The following CRHR2 variants were observed in gnomAD, a reference collection of about 807,000 sequenced individuals.
CRHR2 encodes corticotropin-releasing hormone receptor 2.
Under a neutral mutation model 57.9 loss-of-function variants are expected in CRHR2, and 53 were observed. That is an observed-to-expected ratio of 0.92 (90% CI 0.73 to 1.15). The LOEUF (loss-of-function observed/expected upper bound fraction) is 1.15, where lower values mean the gene tolerates loss of function less well. Among genes scored for constraint, CRHR2 ranks in the 50% most tolerant of loss-of-function variants. The pLI is 0.00. For synonymous variants in CRHR2, 213 were observed against 220.9 expected (o/e 0.96, Z 0.32); for missense variants, 532 against 542.6 (o/e 0.98, Z 0.19).
intron 11 of CRHR2, among the ~76,000 whole-genome samples, chr7:30,654,393 G>A (rs1009469431): frequency 1.3e-5 from 2 of 152,164 alleles, no homozygotes; most frequent in Non-Finnish European, 2.9e-5. Context: ...GGCCTGCATA[G>A]ACACCTCGCC....
upstream of CRHR2, among the ~76,000 whole-genome samples, chr7:30,687,160 G>A (rs1023225467): frequency 2.0e-5 from 3 of 152,030 alleles, no homozygotes; most frequent in African/African-American, 7.3e-5. Flanking sequence ...CTCTGCGTTA[G>A]ACATGATGCA....
At chr7:30,657,081 A>ACT (rs200574951) in intron 8 of CRHR2, among the ~76,000 whole-genome samples, 1 of 146,850 alleles carries the variant, frequency 6.8e-6, no homozygotes, top group Non-Finnish European at 1.5e-5. Context: ...GCACACACCC[A>ACT]CTCACACACA....
chr7:30,668,494 T>C (rs1784255514), intron 2 of CRHR2, among the ~76,000 whole-genome samples: 1 of 152,168 alleles, frequency 6.6e-6, no homozygotes. Flanking sequence ...AGATGTACAA[T>C]GTAAAGCTAA....
chr7:30,670,034 C>T (rs1482303062), intron 2 of CRHR2, among the ~76,000 whole-genome samples: 7 of 151,946 alleles, frequency 4.6e-5, no homozygotes, highest in Non-Finnish European at 1.0e-4. Context: ...TCTTTGTTTC[C>T]TCCTCTATCC....
In CRHR2 at chr7:30,682,002, C is replaced by T; in HGVS notation, c.142G>A (p.Gly48Arg). Residue 48 changes from glycine to arginine, a missense_variant, in exon 2 of 12, where the codon GGA becomes AGA. Gly to Arg is a moderately radical substitution (Grantham distance 125). Coordinates refer to ENST00000471646, the MANE Select transcript of CRHR2 (RefSeq NM_001883.5). ...GCAGCGCTGCGGGGCCAGCACGTTC[C>T]GATCTGGTCCAAGGTCGTGTTGCAG... ...SYCNTTLDQI[G>R]TCWPRSAAGA... The T allele has an allele frequency of 1.9e-6, 3 of 1,604,742 alleles. No individual in the cohort carries two copies. Among genetic ancestry groups the T allele is most frequent in the Non-Finnish European group, 2.6e-6 (3 of 1,176,204 alleles).
chr7:30,654,181 G>A (rs1160872570), intron 11 of CRHR2, among the ~76,000 whole-genome samples: 1 of 152,200 alleles, frequency 6.6e-6, no homozygotes, highest in Non-Finnish European at 1.5e-5. Flanking sequence ...AGCTTCATTT[G>A]TTTGGTAATT....
At chr7:30,689,834 C>A (rs563871485) in intron 1 of CRHR2, among the ~76,000 whole-genome samples, 1 of 152,266 alleles carries the variant, frequency 6.6e-6, no homozygotes, top group East Asian at 1.9e-4. Flanking sequence ...CAACGAAGAG[C>A]ATTAGGTTAA....
intron 2 of CRHR2, among the ~76,000 whole-genome samples, chr7:30,673,572 G>A (rs763153914): frequency 5.3e-5 from 8 of 152,124 alleles, no homozygotes. Flanking sequence ...CTCCCAGCTT[G>A]GCCTCCACTT....
In CRHR2 at chr7:30,652,005, C is replaced by G. The variant is rs1424375850; in HGVS notation, c.*1455G>C. 1.3e-5 allele frequency: 2 copies of G among 152,160 alleles called. No homozygotes were observed. The highest frequency in any genetic ancestry group is 2.4e-5 in the African/African-American group (1 of 41,414). The allele number at this position is 152,160 out of a possible 1,614,324, so 9.4% of individuals were successfully genotyped here. The stretch of plus-strand genomic sequence containing the variant: ...TAAATATTTACAAAATGGCAGAAAT[C>G]ACACCTTTGAAGGATTTAAAACTTA... On this transcript the variant is annotated 3_prime_UTR_variant, in exon 12 of 12. Coordinates refer to ENST00000471646, the MANE Select transcript of CRHR2 (RefSeq NM_001883.5). This position sits in a 1 kb window ranked among gnomAD's most constrained non-coding sequence, Gnocchi z 4.4.
intron 5 of CRHR2, among the ~76,000 whole-genome samples, chr7:30,663,307 G>A (rs1255548959): frequency 1.3e-5 from 2 of 152,182 alleles, no homozygotes; most frequent in Non-Finnish European, 2.9e-5. Flanking sequence ...GTGAGTCAAG[G>A]GTGTATGAAG....
Position 30,655,357 on chromosome 7 carries a change from A to G in CRHR2, c.1053+223T>C, listed in dbSNP as rs548521469. On this transcript the variant is annotated intron_variant, in intron 10 of 11. Coordinates refer to ENST00000471646, the MANE Select transcript of CRHR2 (RefSeq NM_001883.5). The stretch of plus-strand genomic sequence containing the variant: ...TTGGTTGGGCTGCCTGCATCCTCAG[A>G]ACAGGTGCTGGGACAGTAGGTGCGG... Among the ~76,000 whole-genome samples the G allele has an allele frequency of 5.3e-5, 8 of 152,284 alleles. No individual in the cohort carries two copies. In the East Asian group the frequency reaches 1.5e-3, roughly 29 times the overall value.
chr7:30,674,957 C>G (rs752763305), intron 2 of CRHR2, among the ~76,000 whole-genome samples: 4 of 152,138 alleles, frequency 2.6e-5, no homozygotes, highest in Non-Finnish European at 5.9e-5. Context: ...TGTGCCATGG[C>G]CCCACGAGGT....
chr7:30,681,803 T>TACGGG, intron 2 of CRHR2, 112 bp downstream of exon 2: 1 of 1,423,654 alleles, frequency 7.0e-7, no homozygotes, highest in South Asian at 1.6e-5. Flanking sequence ...CGGTCCGCGG[T>TACGGG]ACCGCGGCCG....
At position 30,656,361 on chromosome 7, in the gene CRHR2, T is replaced by C; in HGVS notation, c.832-349A>G. Among the ~76,000 whole-genome samples, 1 of 152,156 alleles carries C rather than the reference T, an allele frequency of 6.6e-6. No homozygotes were observed. The highest frequency in any genetic ancestry group is 1.9e-4 in the East Asian group (1 of 5,184). On this transcript the variant is annotated intron_variant, in intron 8 of 11. Coordinates refer to ENST00000471646, the MANE Select transcript of CRHR2 (RefSeq NM_001883.5). The surrounding 1 kb of genome is among the most constrained non-coding windows in gnomAD (Gnocchi z 4.4). ...GGACCCTATGGGAGCCCCCTTCCCC[T>C]CACTGCCACGGGGTCCCTACTTGTT...
In CRHR2 at chr7:30,665,271, C is replaced by A. The variant is rs1784142150; in HGVS notation, c.426-84G>T. On this transcript the variant is annotated intron_variant, in intron 4 of 11. Transcript: ENST00000471646. The surrounding 1 kb of genome is among the most constrained non-coding windows in gnomAD (Gnocchi z 4.5). ...CCCCTGAGGCCAGGTAGAGACTCAGCCTGGGATGAGGGCAGGGCTGCACTA... is the reference window on the plus strand; with the variant it reads ...CCCCTGAGGCCAGGTAGAGACTCAGACTGGGATGAGGGCAGGGCTGCACTA... 3.2e-6 allele frequency: 4 copies of A among 1,231,774 alleles called. No individual in the cohort carries two copies. The Admixed American group carries it at 7.1e-5, about 22-fold the overall frequency. The allele number at this position is 1,231,774 out of a possible 1,614,324, so 76.3% of individuals were successfully genotyped here.
At chr7:30,666,672 G>A (rs868289732) in intron 3 of CRHR2, among the ~76,000 whole-genome samples, 1 of 152,268 alleles carries the variant, frequency 6.6e-6, no homozygotes, top group Non-Finnish European at 1.5e-5. Flanking sequence ...TAATGAGGAG[G>A]GGATGGAGCT....
rs750863986 is a variant in CRHR2, at chr7:30,682,028, T to C, written c.116A>G (p.Tyr39Cys). ...GATCTGGTCCAAGGTCGTGTTGCAG[T>C]AGGAGTAGGGACCTGGCGGCGGGAG... ...PPLDPEGPYS[Y>C]CNTTLDQIGT... is the part of the protein sequence containing the mutation. The change falls in exon 2 of 12, where the codon TAC becomes TGC. Residue 39 changes from tyrosine to cysteine, a missense_variant. Tyr to Cys is a radical substitution (Grantham distance 194). Coordinates refer to ENST00000471646, the MANE Select transcript of CRHR2 (RefSeq NM_001883.5). 4 of 1,593,094 alleles carry C rather than the reference T, an allele frequency of 2.5e-6. No homozygotes were observed. The highest frequency in any genetic ancestry group is 3.4e-6 in the Non-Finnish European group (4 of 1,170,290).
intron 6 of CRHR2, 41 bp from the exon 7 acceptor site, chr7:30,662,257 C>G (rs761476111): frequency 1.2e-6 from 2 of 1,607,014 alleles, no homozygotes; most frequent in East Asian, 4.5e-5. Context: ...GACAGATGGA[C>G]AGGGACTTTC....
At chr7:30,668,374 G>A (rs775298885) in intron 2 of CRHR2, among the ~76,000 whole-genome samples, 14 of 152,000 alleles carry the variant, frequency 9.2e-5, no homozygotes, top group Non-Finnish European at 1.5e-4. Flanking sequence ...CTGACCTACC[G>A]GGTGGGTTAC....
Sources: allele counts gnomAD v4.1 joint callset (sites outside exome capture counted in the v4.1 genomes callset), GRCh38; gene constraint gnomAD v4.1.1; non-coding constraint Gnocchi (gnomAD v3.1); transcripts MANE v1.5; gene names NCBI Gene and HGNC (gene_info 2026-07-23, HGNC 2026-07-21).